RBFOX1: variants seen among roughly 807,000 people sequenced by gnomAD.
RBFOX1 encodes RNA binding fox-1 homolog 1, also known as RNA binding protein fox-1 homolog 1.
In RBFOX1, 8 loss-of-function variants were observed where a neutral mutation model predicts 57.7. The observed-to-expected ratio is 0.14, with a 90% CI of 0.08 to 0.25. The LOEUF (loss-of-function observed/expected upper bound fraction) is 0.25. RBFOX1 is among the 10% of genes least tolerant of loss of function. The probability of loss-of-function intolerance (pLI) is 1.00; values close to 1 mark genes in which losing one functional copy is unlikely to be tolerated. For synonymous variants in RBFOX1, 326 were observed against 222.4 expected (o/e 1.47, Z -4.15); for missense variants, 611 against 548.5 (o/e 1.11, Z -1.14).
intron 1 of RBFOX1, among the ~76,000 whole-genome samples, chr16:5,312,413 G>T (rs1215304344): frequency 6.6e-6 from 1 of 152,154 alleles, no homozygotes; most frequent in African/African-American, 2.4e-5. Context: ...CTGCTGCCCG[G>T]GTTCAAGTGA....
At chr16:7,663,677 T>C (rs1478384710) in intron 12 of RBFOX1, among the ~76,000 whole-genome samples, 1 of 152,178 alleles carries the variant, frequency 6.6e-6, no homozygotes, top group East Asian at 1.9e-4. Flanking sequence ...ATTGGTCCTT[T>C]GCCAGAATCA....
intron 1 of RBFOX1, among the ~76,000 whole-genome samples, chr16:5,429,029 C>G (rs989060164): frequency 6.6e-6 from 1 of 152,160 alleles, no homozygotes; most frequent in Non-Finnish European, 1.5e-5. Context: ...GGAGGTTCCA[C>G]CCGCTACGAA....
At chr16:7,253,409 A>T (rs1470041350) in intron 4 of RBFOX1, among the ~76,000 whole-genome samples, 2 of 151,990 alleles carry the variant, frequency 1.3e-5, no homozygotes, top group African/African-American at 4.8e-5. Context: ...CGGCTTGACA[A>T]CCCCTCAACC....
intron 3 of RBFOX1, among the ~76,000 whole-genome samples, chr16:6,790,141 ACT>A (rs1414476511): frequency 6.8e-6 from 1 of 146,554 alleles, no homozygotes; most frequent in African/African-American, 2.5e-5. Context: ...TTTAAATGTG[ACT>A]CTTAGATTCT....
chr16:6,784,697 T>A (rs931030364), intron 3 of RBFOX1, among the ~76,000 whole-genome samples: 2 of 151,776 alleles, frequency 1.3e-5, no homozygotes, highest in African/African-American at 4.8e-5. Context: ...ATGTCTGATT[T>A]TTTTTTTTTA....
intron 4 of RBFOX1, among the ~76,000 whole-genome samples, chr16:7,437,966 C>CT (rs1305332628): frequency 6.6e-6 from 1 of 151,312 alleles, no homozygotes; most frequent in African/African-American, 2.4e-5. Flanking sequence ...TGTGCTAGGT[C>CT]TTTGAAGCTT....
intron 2 of RBFOX1, among the ~76,000 whole-genome samples, chr16:6,332,520 G>A (rs563896745): frequency 1.3e-5 from 2 of 152,188 alleles, no homozygotes; most frequent in Non-Finnish European, 1.5e-5. Flanking sequence ...TGACTGTGAC[G>A]ATAGCTAGTT....
At chr16:6,143,096 A>G (rs1453421036) in intron 1 of RBFOX1, among the ~76,000 whole-genome samples, 1 of 152,220 alleles carries the variant, frequency 6.6e-6, no homozygotes, top group Admixed American at 6.5e-5. Flanking sequence ...CTGAAGTTAA[A>G]ACCAGTAAGC....
chr16:7,581,865 C>T, intron 6 of RBFOX1, among the ~76,000 whole-genome samples: 1 of 152,018 alleles, frequency 6.6e-6, no homozygotes, highest in East Asian at 1.9e-4. Context: ...CACAAGCCAC[C>T]ATGCTTGGCT....
chr16:7,486,650 A>G (rs1284978855), intron 4 of RBFOX1, among the ~76,000 whole-genome samples: 1 of 152,134 alleles, frequency 6.6e-6, no homozygotes, highest in East Asian at 1.9e-4. Context: ...AATGGCACCC[A>G]GGCTTGATAG....
intron 11 of RBFOX1, among the ~76,000 whole-genome samples, chr16:7,635,914 C>A (rs903971276): frequency 6.6e-6 from 1 of 152,080 alleles, no homozygotes; most frequent in African/African-American, 2.4e-5. Context: ...GGGTTCACAC[C>A]ATTCTCCTGT....
intron 3 of RBFOX1, among the ~76,000 whole-genome samples, chr16:5,729,872 A>C (rs920716717): frequency 6.6e-6 from 1 of 152,164 alleles, no homozygotes; most frequent in Non-Finnish European, 1.5e-5. Flanking sequence ...GAGGGAGGCA[A>C]ATCCTAGCCC....
At chr16:6,895,983 T>C (rs2066812454) in intron 3 of RBFOX1, among the ~76,000 whole-genome samples, 2 of 152,134 alleles carry the variant, frequency 1.3e-5, no homozygotes. Flanking sequence ...GATACAGGCA[T>C]GCTGTGTGAA....
chr16:7,008,649 C>T (rs1463717550), intron 3 of RBFOX1, among the ~76,000 whole-genome samples: 1 of 27,714 alleles, frequency 3.6e-5, no homozygotes, highest in Non-Finnish European at 6.1e-5. Flanking sequence ...TCCCTTCCTT[C>T]CTCCTCCCTT....
At chr16:6,345,566 C>T (rs762174491) in intron 2 of RBFOX1, among the ~76,000 whole-genome samples, 4 of 152,180 alleles carry the variant, frequency 2.6e-5, no homozygotes, top group Non-Finnish European at 5.9e-5. Context: ...TCAGTTGCCA[C>T]CTCCTACCTC....
In RBFOX1 at chr16:7,674,006, C is replaced by T. The variant is rs374081800; in HGVS notation, c.931-2768C>T. 2.4e-4 allele frequency among the ~76,000 whole-genome samples: 37 copies of T among 152,216 alleles called. No homozygotes were observed. The South Asian group carries it at 3.1e-3, about 13-fold the overall frequency. On this transcript the variant is annotated intron_variant, in intron 13 of 15. Coordinates refer to ENST00000550418, the MANE Select transcript of RBFOX1 (RefSeq NM_018723.4). ...AGTTCTGGATATGCTCAGTGAGCTG[C>T]AAAATACAGAGCGATAAAATTGATT...
chr16:6,756,217 G>A (rs969230078), intron 3 of RBFOX1, among the ~76,000 whole-genome samples: 1 of 152,082 alleles, frequency 6.6e-6, no homozygotes, highest in African/African-American at 2.4e-5. Context: ...TATATGGATT[G>A]GGGAAAGGAC....
intron 2 of RBFOX1, among the ~76,000 whole-genome samples, chr16:5,519,710 G>A (rs1257131757): frequency 6.6e-6 from 1 of 152,208 alleles, no homozygotes; most frequent in Admixed American, 6.5e-5. Context: ...GAATGATAGA[G>A]TGAGATGGTG....
At chr16:6,010,139 C>T (rs548349723) in intron 4 of RBFOX1, among the ~76,000 whole-genome samples, 102 of 152,236 alleles carry the variant, frequency 6.7e-4, no homozygotes, top group African/African-American at 2.4e-3. Flanking sequence ...CACCTCGTAT[C>T]CCCAGGTGTT....
Sources: allele counts gnomAD v4.1 joint callset (sites outside exome capture counted in the v4.1 genomes callset), GRCh38; gene constraint gnomAD v4.1.1; transcripts MANE v1.5; gene names NCBI Gene and HGNC (gene_info 2026-07-23, HGNC 2026-07-21).